The following AIG1 variants were observed in gnomAD, a reference collection of about 807,000 sequenced individuals.
AIG1 encodes androgen-induced gene 1 protein.
In AIG1, 23 loss-of-function variants were observed where a neutral mutation model predicts 31.4. The observed-to-expected ratio is 0.73, with a 90% CI of 0.53 to 1.04. The LOEUF is 1.04. AIG1 is among the 50% of genes least tolerant of loss of function. The pLI, the probability that AIG1 is intolerant of heterozygous loss-of-function variation, is 0.00. For synonymous variants in AIG1, 100 were observed against 110.5 expected, an observed-to-expected ratio of 0.90 and a Z score of 0.60; for missense variants, 274 against 295.0, an observed-to-expected ratio of 0.93 and a Z score of 0.52.
intron 3 of AIG1, among the ~76,000 whole-genome samples, chr6:143,238,129 C>T (rs562552134): frequency 3.1e-4 from 47 of 152,082 alleles, no homozygotes; most frequent in South Asian, 2.3e-3. Flanking sequence ...TTAGTAGAGA[C>T]GGGGTTTCAC....
chr6:143,221,819 C>CTGT (rs1400864479), intron 3 of AIG1, among the ~76,000 whole-genome samples: 2 of 152,158 alleles, frequency 1.3e-5, no homozygotes, highest in East Asian at 3.9e-4. Context: ...GAAATCCTAG[C>CTGT]TGTTGTGATT....
intron 1 of AIG1, among the ~76,000 whole-genome samples, chr6:143,084,730 T>TTTTCTTCC (rs916665964): frequency 9.2e-5 from 14 of 152,252 alleles, no homozygotes; most frequent in African/African-American, 3.1e-4. Flanking sequence ...GGCAGTAGGA[T>TTTTCTTCC]TTTCTTCCTT....
At chr6:143,179,166 A>T (rs1788488115) in intron 3 of AIG1, among the ~76,000 whole-genome samples, 2 of 152,176 alleles carry the variant, frequency 1.3e-5, no homozygotes, top group Admixed American at 1.3e-4. Flanking sequence ...GGAACTTGTG[A>T]CAAGTACCAG....
chr6:143,226,985 C>CTTTTTTTTTTTTT, intron 3 of AIG1, among the ~76,000 whole-genome samples: 1 of 113,622 alleles, frequency 8.8e-6, no homozygotes, highest in Non-Finnish European at 1.8e-5. Flanking sequence ...GAGTTTTTGT[C>CTTTTTTTTTTTTT]TTTTTTTTTT....
intron 4 of AIG1, among the ~76,000 whole-genome samples, chr6:143,300,915 T>G (rs967559812): frequency 6.6e-6 from 1 of 152,190 alleles, no homozygotes; most frequent in Admixed American, 6.5e-5. Flanking sequence ...TGATCCAGCT[T>G]CTTAGTTCAC....
rs186758288 is a variant in AIG1 at position 143,325,666 on chromosome 6, C to G, written c.516-7616C>G. ...CTAATCAATCACCATGTTGTCTTAA[C>G]TATATTTGTTAAATCAGTGCCTGTC... On this transcript the variant is annotated intron_variant, in intron 4 of 5. Coordinates refer to ENST00000357847, the MANE Select transcript of AIG1 (RefSeq NM_016108.4). The surrounding 1 kb of genome is among the most constrained non-coding windows in gnomAD (Gnocchi z 4.3). Among the ~76,000 whole-genome samples, 1 of 152,306 alleles carries G rather than the reference C, an allele frequency of 6.6e-6. No homozygotes were observed. The highest frequency in any genetic ancestry group is 1.9e-4 in the East Asian group (1 of 5,184).
intron 4 of AIG1, among the ~76,000 whole-genome samples, chr6:143,303,650 C>T (rs1432319280): frequency 5.3e-5 from 8 of 150,752 alleles, no homozygotes; most frequent in Non-Finnish European, 1.5e-5. Context: ...AGTTTGAAGT[C>T]AGGTAGCATG....
chr6:143,342,415 C>T, downstream of AIG1: 1 of 737,764 alleles, frequency 1.4e-6, no homozygotes, highest in Non-Finnish European at 2.5e-6. Context: ...AGAAAAGAAC[C>T]CAGTAAGGTT....
intron 3 of AIG1, among the ~76,000 whole-genome samples, chr6:143,179,529 C>T (rs1273758549): frequency 1.3e-5 from 2 of 152,294 alleles, no homozygotes; most frequent in East Asian, 3.9e-4. Context: ...AGAAAACAGG[C>T]ATAAGAAAGC....
intron 4 of AIG1, among the ~76,000 whole-genome samples, chr6:143,307,271 G>A (rs1169304821): frequency 2.6e-5 from 4 of 152,178 alleles, no homozygotes; most frequent in Admixed American, 6.5e-5. Flanking sequence ...GAGGAGGAGA[G>A]GCTCTCTGCT....
At chr6:143,304,370 G>A (rs1201542826) in intron 4 of AIG1, among the ~76,000 whole-genome samples, 57 of 151,434 alleles carry the variant, frequency 3.8e-4, no homozygotes, top group East Asian at 2.8e-3. Context: ...GTTTGTCATA[G>A]ATAGCTCTTA....
In AIG1 at chr6:143,340,607, G is replaced by A. The variant is rs889305654; in HGVS notation, c.*931G>A. 6.6e-6 allele frequency among the ~76,000 whole-genome samples: 1 copy of A among 152,082 alleles called. No individual in the cohort carries two copies. The highest frequency in any genetic ancestry group is 2.4e-5 in the African/African-American group (1 of 41,394). Reference sequence around the variant, plus strand: ...GCCTCCCGAGTAGCTGGGACTACAGGCGCCTGCCACACGCCCGGCTTATTT... The same window carrying A: ...GCCTCCCGAGTAGCTGGGACTACAGACGCCTGCCACACGCCCGGCTTATTT... On this transcript the variant is annotated 3_prime_UTR_variant, in exon 6 of 6. Coordinates refer to ENST00000357847, the MANE Select transcript of AIG1 (RefSeq NM_016108.4).
chr6:143,249,667 C>T (rs977719877), intron 3 of AIG1, among the ~76,000 whole-genome samples: 1 of 152,186 alleles, frequency 6.6e-6, no homozygotes, highest in Non-Finnish European at 1.5e-5. Context: ...TACAGACGAC[C>T]CCTCTCCTGA....
intron 3 of AIG1, among the ~76,000 whole-genome samples, chr6:143,167,042 G>A (rs1035839287): frequency 6.6e-6 from 1 of 152,144 alleles, no homozygotes; most frequent in Non-Finnish European, 1.5e-5. Context: ...GTATTTTGAA[G>A]CTTAGTTTCA....
chr6:143,190,309 G>A (rs1001583863), intron 3 of AIG1: 2 of 985,398 alleles, frequency 2.0e-6, no homozygotes, highest in African/African-American at 3.5e-5. Context: ...AAAAGACAAG[G>A]CCCAGGCCCA....
intron 3 of AIG1, among the ~76,000 whole-genome samples, chr6:143,235,406 G>A (rs1033753365): frequency 6.6e-6 from 1 of 152,166 alleles, no homozygotes; most frequent in Non-Finnish European, 1.5e-5. Flanking sequence ...GTGGCATGTG[G>A]TCATATTTTA....
chr6:143,270,894 T>C (rs1051699385), intron 3 of AIG1, among the ~76,000 whole-genome samples: 1 of 152,188 alleles, frequency 6.6e-6, no homozygotes, highest in African/African-American at 2.4e-5. Flanking sequence ...TGCATGAATC[T>C]GTACTAGTAT....
intron 3 of AIG1, among the ~76,000 whole-genome samples, chr6:143,237,690 G>A (rs1385351803): frequency 6.6e-6 from 1 of 152,100 alleles, no homozygotes; most frequent in Non-Finnish European, 1.5e-5. Context: ...ACCTAGCTTT[G>A]AAGTAACTTT....
At chr6:143,335,763 T>C (rs928776703) in intron 5 of AIG1, among the ~76,000 whole-genome samples, 2 of 151,952 alleles carry the variant, frequency 1.3e-5, no homozygotes, top group African/African-American at 2.4e-5. Flanking sequence ...AAGACCAGTC[T>C]GGCCAACATT....
Sources: gnomAD v4.1 joint callset for allele counts (sites outside exome capture counted in the v4.1 genomes callset) on GRCh38, gnomAD v4.1.1 for gene constraint, Gnocchi (gnomAD v3.1) non-coding constraint, MANE v1.5 for transcripts, NCBI Gene and HGNC (gene_info 2026-07-23, HGNC 2026-07-21) for gene names.